HAO1: variants seen among roughly 807,000 people sequenced by gnomAD.
HAO1 encodes 2-Hydroxyacid oxidase 1.
In HAO1, 34 loss-of-function variants were observed where a neutral mutation model predicts 39.7. The observed-to-expected ratio is 0.86, with a 90% CI of 0.65 to 1.14. HAO1 has a LOEUF of 1.14. HAO1 is among the 50% of genes most tolerant of loss of function. The pLI, the probability that HAO1 is intolerant of heterozygous loss-of-function variation, is 0.00. For missense variants in HAO1, 479 were observed against 464.5 expected (o/e 1.03, Z -0.29); for synonymous variants, 172 against 173.2 (o/e 0.99, Z 0.05).
Position 7,895,226 on chromosome 20 carries a change from T to C in HAO1, c.722-2A>G, listed in dbSNP as rs756232455. The C allele has an allele frequency of 3.8e-6, 6 of 1,595,648 alleles. No individual in the cohort carries two copies. Among genetic ancestry groups the C allele is most frequent in the Non-Finnish European group, 5.2e-6 (6 of 1,163,286 alleles). ...TAACAGCCTCCCTGGCATCATCACCTGGAGAGAGTAAAACAAGCACCTTAG... is the reference window on the plus strand; with the variant it reads ...TAACAGCCTCCCTGGCATCATCACCCGGAGAGAGTAAAACAAGCACCTTAG... On this transcript the variant is annotated splice_acceptor_variant, in intron 4 of 7. Transcript: ENST00000378789. LOFTEE classifies it high-confidence loss of function.
chr20:7,922,814 C>A (rs1260439797), intron 2 of HAO1, among the ~76,000 whole-genome samples: 1 of 152,038 alleles, frequency 6.6e-6, no homozygotes, highest in East Asian at 1.9e-4. Flanking sequence ...TTTCTCTACT[C>A]TTCCATTTGC....
At position 7,883,918 on chromosome 20, in the gene HAO1, C is replaced by T. The variant is rs531008198; in HGVS notation, c.1043-255G>A. ...TTAATAGAGAGTCAGTGACTGAAAG[C>T]TCTCTTTTAGGATATGTCTGTAGCA... On this transcript the variant is annotated intron_variant, in intron 7 of 7. Transcript: ENST00000378789. Among the ~76,000 whole-genome samples the T allele has an allele frequency of 8.5e-5, 13 of 152,210 alleles. No individual in the cohort carries two copies. In the South Asian group the frequency reaches 1.5e-3, roughly 17 times the overall value.
chr20:7,895,373 A>G (rs55945246), intron 4 of HAO1, 149 bp from the exon 5 acceptor site: 19,806 of 564,770 alleles, frequency 0.035, 496 homozygotes, highest in Non-Finnish European at 0.047. Flanking sequence ...CCCTAGGGTT[A>G]GCGCTAGAAT....
chr20:7,899,754 G>A (rs1435296828), intron 4 of HAO1, among the ~76,000 whole-genome samples: 1 of 152,088 alleles, frequency 6.6e-6, no homozygotes, highest in Non-Finnish European at 1.5e-5. Context: ...AGAGAGAAAA[G>A]CAATTTTGCC....
intron 1 of HAO1, among the ~76,000 whole-genome samples, chr20:7,935,229 G>C (rs980267212): frequency 6.6e-6 from 1 of 152,130 alleles, no homozygotes; most frequent in Non-Finnish European, 1.5e-5. Context: ...TCATACAGGG[G>C]TACTATCATT....
chr20:7,885,765 C>T lies in HAO1; in HGVS notation c.913G>A (p.Ala305Thr), dbSNP rs1360008942. 10 of 1,613,674 alleles carry T rather than the reference C, an allele frequency of 6.2e-6. No homozygotes were observed. Among genetic ancestry groups the T allele is most frequent in the Non-Finnish European group, 8.5e-6 (10 of 1,179,678 alleles). Residue 305 changes from alanine (A) to threonine (T), a missense_variant, in exon 6 of 8, where the codon GCT becomes ACT. Ala to Thr is a moderately conservative substitution (Grantham distance 58). Transcript: ENST00000378789. ...ACAAACACAGCCTTGGCGCCAAGAG[C>T]CAGAGCTTTCAGAACATCAGTGCCT... ...RKGTDVLKALALGAKAVFVGR... is the reference protein window; with the variant it reads ...RKGTDVLKALTLGAKAVFVGR...
At chr20:7,918,895 C>G (rs1307906474) in intron 2 of HAO1, among the ~76,000 whole-genome samples, 1 of 152,184 alleles carries the variant, frequency 6.6e-6, no homozygotes, top group Non-Finnish European at 1.5e-5. Context: ...CTCACCTTAT[C>G]CATTGTCCAC....
chr20:7,902,324 A>T (rs927401429), intron 4 of HAO1, among the ~76,000 whole-genome samples: 1 of 152,198 alleles, frequency 6.6e-6, no homozygotes, highest in Non-Finnish European at 1.5e-5. Flanking sequence ...TACCACAGCC[A>T]CCTTAAACCT....
At chr20:7,917,189 T>C (rs1024270511) in intron 2 of HAO1, among the ~76,000 whole-genome samples, 2 of 151,730 alleles carry the variant, frequency 1.3e-5, no homozygotes, top group African/African-American at 4.8e-5. Context: ...AAAATACAAA[T>C]ATTAGCTGGG....
chr20:7,930,109 C>T (rs376605534), intron 2 of HAO1, among the ~76,000 whole-genome samples: 2 of 152,122 alleles, frequency 1.3e-5, no homozygotes, highest in African/African-American at 4.8e-5. Flanking sequence ...TCTCACTGAC[C>T]CTGCTGAGGG....
intron 5 of HAO1, among the ~76,000 whole-genome samples, chr20:7,890,206 T>G (rs1295038026): frequency 8.3e-6 from 1 of 120,832 alleles, no homozygotes; most frequent in Admixed American, 7.4e-5. Flanking sequence ...TTATGGTTTG[T>G]TTTTTTTTGT....
At chr20:7,907,868 A>AG (rs1191509055) in intron 3 of HAO1, among the ~76,000 whole-genome samples, 5 of 152,292 alleles carry the variant, frequency 3.3e-5, no homozygotes, top group Admixed American at 1.3e-4. Context: ...ATCTGCCCAC[A>AG]GTCCCAAATT....
In HAO1 at chr20:7,914,356, A is replaced by G. The variant is rs141152245; in HGVS notation, c.353T>C (p.Val118Ala). 2 of 1,613,780 alleles carry G rather than the reference A, an allele frequency of 1.2e-6. No individual in the cohort carries two copies. Among genetic ancestry groups the G allele is most frequent in the African/African-American group, 1.3e-5 (1 of 74,888 alleles). ...SSWATSSIEEVAEAGPEALRW... is the reference protein window; with the variant it reads ...SSWATSSIEEAAEAGPEALRW... ...AAGTGCCTCAGGACCAGCTTCCGCCACTTCTTCAATTGAGGAGGTGGCCCA... is the reference window on the plus strand; with the variant it reads ...AAGTGCCTCAGGACCAGCTTCCGCCGCTTCTTCAATTGAGGAGGTGGCCCA... The change falls in exon 3 of 8, where the codon GTG becomes GCG. Residue 118 changes from valine (V) to alanine (A), a missense_variant. Val to Ala is a moderately conservative substitution (Grantham distance 64). Transcript: ENST00000378789.
intron 2 of HAO1, among the ~76,000 whole-genome samples, chr20:7,916,099 G>A (rs996252859): frequency 8.5e-5 from 13 of 152,114 alleles, no homozygotes; most frequent in African/African-American, 2.9e-4. Context: ...AAATTAAATA[G>A]AGTCATCTAA....
intron 5 of HAO1, among the ~76,000 whole-genome samples, chr20:7,887,739 G>A (rs1306593147): frequency 2.0e-5 from 3 of 152,112 alleles, no homozygotes; most frequent in African/African-American, 7.2e-5. Flanking sequence ...AATCAAGTGT[G>A]TTTAGGTAAT....
Position 7,883,350 on chromosome 20 carries a change from T to C in HAO1, c.*243A>G. The C allele has an allele frequency of 1.9e-6, 1 of 524,376 alleles. No individual in the cohort carries two copies. The highest frequency in any genetic ancestry group is 3.4e-6 in the Non-Finnish European group (1 of 291,930). 32.5% of individuals were successfully genotyped at this position (524,376 alleles called of 1,614,324 possible). A position where few individuals can be genotyped will look rare whatever the true frequency, so the allele number is the denominator to read the frequency against. Reference sequence around the variant, plus strand: ...GTTGTCTAAACACATTTTCAATGTTTTCTTTTTAACAGTTAATATATTTCC... The same window carrying C: ...GTTGTCTAAACACATTTTCAATGTTCTCTTTTTAACAGTTAATATATTTCC... On this transcript the variant is annotated 3_prime_UTR_variant, in exon 8 of 8. Coordinates refer to ENST00000378789, the MANE Select transcript of HAO1 (RefSeq NM_017545.3).
intron 2 of HAO1, among the ~76,000 whole-genome samples, chr20:7,924,361 CAA>C (rs2050349598): frequency 6.6e-6 from 1 of 151,956 alleles, no homozygotes; most frequent in Non-Finnish European, 1.5e-5. Flanking sequence ...TGAGAAAGCA[CAA>C]GTTATCAATT....
intron 3 of HAO1, 29 bp downstream of exon 3, chr20:7,914,135 C>T (rs771758456): frequency 6.2e-6 from 10 of 1,610,374 alleles, no homozygotes; most frequent in Non-Finnish European, 8.5e-6. Context: ...CCTTTCGCCT[C>T]AGCTCGGGGC....
At chr20:7,885,483 T>C (rs990980384) in intron 7 of HAO1, 38 bp downstream of exon 7, 14 of 1,373,484 alleles carry the variant, frequency 1.0e-5, no homozygotes, top group Non-Finnish European at 1.5e-5. Flanking sequence ...TTAAAGATCA[T>C]AAAAGAAAAG....
Sources: allele counts gnomAD v4.1 joint callset (sites outside exome capture counted in the v4.1 genomes callset), GRCh38; gene constraint gnomAD v4.1.1; transcripts MANE v1.5; gene names NCBI Gene and HGNC (gene_info 2026-07-23, HGNC 2026-07-21).